SPAG16: variants seen among roughly 807,000 people sequenced by gnomAD.
SPAG16 encodes sperm associated antigen 16, also known as sperm-associated antigen 16 protein.
In SPAG16, 86 loss-of-function variants were observed where a neutral mutation model predicts 80.4. The observed-to-expected ratio is 1.07, with a 90% CI of 0.90 to 1.28. The LOEUF (loss-of-function observed/expected upper bound fraction) is 1.28. SPAG16 is among the 50% of genes most tolerant of loss of function. The probability of loss-of-function intolerance (pLI) is 0.00; values close to 1 mark genes in which losing one functional copy is unlikely to be tolerated. For synonymous variants in SPAG16, 294 were observed against 265.9 expected (o/e 1.11, Z -1.03); for missense variants, 870 against 765.3 (o/e 1.14, Z -1.61).
Position 214,119,933 on chromosome 2 carries a change from G to T in SPAG16, c.1593+11672G>T, listed in dbSNP as rs193115792. On this transcript the variant is annotated intron_variant, in intron 14 of 15. Transcript: ENST00000331683. ...CTAATAGTTGATCCTTTGTAGATAA[G>T]GTTGGATCTTTCTCATACATTTTAA... Among the ~76,000 whole-genome samples, 744 of 151,948 alleles carry T rather than the reference G, an allele frequency of 4.9e-3. 1 individual carries two copies. The highest frequency in any genetic ancestry group is 8.6e-3 in the Non-Finnish European group (582 of 67,882).
At chr2:213,872,481 T>A (rs1302612709) in intron 11 of SPAG16, among the ~76,000 whole-genome samples, 2 of 152,148 alleles carry the variant, frequency 1.3e-5, no homozygotes, top group East Asian at 1.9e-4. Context: ...ATTTAAAAAA[T>A]TTTAGTATAT....
At chr2:213,802,003 A>C (rs2071439156) in intron 10 of SPAG16, among the ~76,000 whole-genome samples, 2 of 152,216 alleles carry the variant, frequency 1.3e-5, no homozygotes, top group Admixed American at 1.3e-4. Flanking sequence ...ATTTGAGGCA[A>C]ATTACCTACA....
intron 10 of SPAG16, among the ~76,000 whole-genome samples, chr2:213,550,014 T>A (rs189178570): frequency 2.3e-4 from 35 of 152,220 alleles, no homozygotes; most frequent in Admixed American, 1.4e-3. Flanking sequence ...ATTTTTATAG[T>A]TGTATTTGAC....
chr2:214,117,594 C>T (rs756969353), intron 14 of SPAG16, among the ~76,000 whole-genome samples: 12 of 152,116 alleles, frequency 7.9e-5, no homozygotes, highest in Non-Finnish European at 1.5e-4. Context: ...AACATAGATG[C>T]AAAAACTCTC....
chr2:214,319,980 C>T (rs373357588), intron 15 of SPAG16, among the ~76,000 whole-genome samples: 1 of 152,182 alleles, frequency 6.6e-6, no homozygotes, highest in African/African-American at 2.4e-5. Context: ...TACTCTAGCA[C>T]CATCTCTAGT....
intron 12 of SPAG16, among the ~76,000 whole-genome samples, chr2:213,960,180 T>C (rs952698911): frequency 1.3e-5 from 2 of 152,212 alleles, no homozygotes; most frequent in African/African-American, 2.4e-5. Flanking sequence ...TAATTTTTCC[T>C]TTCAGTTGTT....
intron 15 of SPAG16, among the ~76,000 whole-genome samples, chr2:214,369,363 C>CTTCAG (rs199625740): frequency 0.011 from 1,669 of 152,122 alleles, 17 homozygotes; most frequent in Non-Finnish European, 0.016. Context: ...ATGCTGCGAG[C>CTTCAG]TTCAGTTTTC....
At chr2:213,913,460 A>T (rs1345074554) in intron 11 of SPAG16, among the ~76,000 whole-genome samples, 1 of 151,548 alleles carries the variant, frequency 6.6e-6, no homozygotes, top group Non-Finnish European at 1.5e-5. Flanking sequence ...TGCCAGAGAA[A>T]TATAATAGAA....
In SPAG16 at chr2:213,482,639, G is replaced by T. The variant is rs143669351; in HGVS notation, c.943-7324G>T. ...TTTAGGTATAATTATGTTCTTCTTAGGTAATTATAAACCATCAGTGGAACA... is the reference window on the plus strand; with the variant it reads ...TTTAGGTATAATTATGTTCTTCTTATGTAATTATAAACCATCAGTGGAACA... On this transcript the variant is annotated intron_variant, in intron 9 of 15. Coordinates refer to ENST00000331683, the MANE Select transcript of SPAG16 (RefSeq NM_024532.5). Among the ~76,000 whole-genome samples, 11 of 151,800 alleles carry T rather than the reference G, an allele frequency of 7.2e-5. 1 individual carries two copies. Among genetic ancestry groups the T allele is most frequent in the African/African-American group, 2.7e-4 (11 of 41,420 alleles).
chr2:213,765,304 G>T (rs1029249046), intron 10 of SPAG16, among the ~76,000 whole-genome samples: 1 of 151,650 alleles, frequency 6.6e-6, no homozygotes, highest in African/African-American at 2.4e-5. Flanking sequence ...GGGAGTCGGA[G>T]GTTGCAGTGA....
At chr2:214,207,961 C>T (rs73987198) in intron 15 of SPAG16, among the ~76,000 whole-genome samples, 1,880 of 152,286 alleles carry the variant, frequency 0.012, 40 homozygotes, top group African/African-American at 0.043. Context: ...CGGCCACACA[C>T]GGAAGTCTGC....
chr2:213,674,256 C>G (rs545604588), intron 10 of SPAG16, among the ~76,000 whole-genome samples: 1 of 152,106 alleles, frequency 6.6e-6, no homozygotes, highest in Admixed American at 6.6e-5. Flanking sequence ...ATCCAGTTCT[C>G]TACGACAACA....
At chr2:214,297,404 T>A (rs946404661) in intron 15 of SPAG16, among the ~76,000 whole-genome samples, 2 of 152,030 alleles carry the variant, frequency 1.3e-5, no homozygotes, top group African/African-American at 4.8e-5. Context: ...AGAGCAGTCT[T>A]TCTTAAGTTT....
chr2:213,405,344 C>G (rs1010720985), intron 9 of SPAG16, among the ~76,000 whole-genome samples: 1 of 152,086 alleles, frequency 6.6e-6, no homozygotes, highest in Non-Finnish European at 1.5e-5. Flanking sequence ...TTTATACTAT[C>G]ATGGATACAT....
intron 13 of SPAG16, among the ~76,000 whole-genome samples, chr2:214,048,649 A>C (rs1419958978): frequency 6.6e-6 from 1 of 152,178 alleles, no homozygotes; most frequent in Non-Finnish European, 1.5e-5. Context: ...TTGCTAACAC[A>C]ACAGGGTGAC....
chr2:213,943,508 G>A (rs929444453), intron 12 of SPAG16, among the ~76,000 whole-genome samples: 3 of 152,062 alleles, frequency 2.0e-5, no homozygotes, highest in East Asian at 3.9e-4. Context: ...TGGAGAAAAG[G>A]CACTCCTTGT....
At position 214,170,225 on chromosome 2, in the gene SPAG16, C is replaced by T. The variant is rs560277489; in HGVS notation, c.1720+20959C>T. Among the ~76,000 whole-genome samples, 303 of 83,242 alleles carry T rather than the reference C, an allele frequency of 3.6e-3. 5 individuals carry two copies. The highest frequency in any genetic ancestry group is 8.1e-3 in the African/African-American group (290 of 35,760). 54.6% of individuals were successfully genotyped at this position (83,242 alleles called of 152,430 possible). A position where few individuals can be genotyped will look rare whatever the true frequency, so the allele number is the denominator to read the frequency against. ...ATACACACACACTTAGGTGTGTATA[C>T]GTATACACACACACTTAGGTGTGTA... On this transcript the variant is annotated intron_variant, in intron 15 of 15. Transcript: ENST00000331683.
Position 214,304,613 on chromosome 2 carries a change from A to G in SPAG16, c.1721-105527A>G, listed in dbSNP as rs1336323431. 1.3e-4 allele frequency among the ~76,000 whole-genome samples: 20 copies of G among 151,966 alleles called. No individual in the cohort carries two copies. The East Asian group carries it at 2.1e-3, about 16-fold the overall frequency. On this transcript the variant is annotated intron_variant, in intron 15 of 15. Coordinates refer to ENST00000331683, the MANE Select transcript of SPAG16 (RefSeq NM_024532.5). ...GGCTCTCAACTCTGAAGGCTGTGAG[A>G]CCCCTGATTTTCCACTTCACACCTC...
chr2:213,690,171 G>A (rs1348050513), intron 10 of SPAG16, among the ~76,000 whole-genome samples: 1 of 151,890 alleles, frequency 6.6e-6, no homozygotes, highest in African/African-American at 2.4e-5. Context: ...TCAGATATTT[G>A]CCTCGTTAAC....
Sources: allele counts gnomAD v4.1 joint callset (sites outside exome capture counted in the v4.1 genomes callset), GRCh38; gene constraint gnomAD v4.1.1; transcripts MANE v1.5; gene names NCBI Gene and HGNC (gene_info 2026-07-23, HGNC 2026-07-21).